Variants in PHACTR1 observed in about 807,000 individuals in gnomAD.
The protein encoded by PHACTR1 is phosphatase and actin regulator 1, also known as RPEL repeat containing 1.
PHACTR1 carries 16 observed loss-of-function variants against 69.2 expected under a neutral mutation model. The observed-to-expected ratio is 0.23, with a 90% CI of 0.16 to 0.35. The LOEUF is 0.35. Ranked by LOEUF, PHACTR1 falls within the 10% of genes least tolerant of loss-of-function variation. PHACTR1 has a pLI of 1.00. For missense variants in PHACTR1, 510 were observed against 734.7 expected, an observed-to-expected ratio of 0.69 and a Z score of 3.54; for synonymous variants, 312 against 284.5, an observed-to-expected ratio of 1.10 and a Z score of -0.97.
At chr6:12,761,194 C>T (rs1033895640) in intron 4 of PHACTR1, among the ~76,000 whole-genome samples, 1 of 152,196 alleles carries the variant, frequency 6.6e-6, no homozygotes, top group African/African-American at 2.4e-5. Context: ...AAGTGCCATA[C>T]AAAGGCAAGA....
intron 5 of PHACTR1, among the ~76,000 whole-genome samples, chr6:13,075,758 C>T (rs533208463): frequency 1.3e-5 from 2 of 152,238 alleles, no homozygotes; most frequent in South Asian, 4.1e-4. Context: ...GTCTTCTAGA[C>T]TCCCAGCCTG....
At chr6:13,004,159 T>C (rs1798497927) in intron 4 of PHACTR1, among the ~76,000 whole-genome samples, 1 of 151,790 alleles carries the variant, frequency 6.6e-6, no homozygotes, top group East Asian at 1.9e-4. Flanking sequence ...CTGGATTGAA[T>C]GGTAGATCTA....
intron 4 of PHACTR1, among the ~76,000 whole-genome samples, chr6:12,891,302 A>G (rs149560388): frequency 5.9e-4 from 90 of 152,246 alleles, no homozygotes; most frequent in Middle Eastern, 6.8e-3. Context: ...TAAAGTGGGT[A>G]ACATGATGTA....
At chr6:12,741,952 T>C (rs1188453827) in intron 3 of PHACTR1, among the ~76,000 whole-genome samples, 1 of 152,214 alleles carries the variant, frequency 6.6e-6, no homozygotes, top group African/African-American at 2.4e-5. Context: ...TTTTATAGTT[T>C]TTCATGCAGA....
chr6:12,808,570 A>G (rs1774623924), intron 4 of PHACTR1, among the ~76,000 whole-genome samples: 1 of 152,246 alleles, frequency 6.6e-6, no homozygotes, highest in Non-Finnish European at 1.5e-5. Context: ...TACAAGGAAG[A>G]TATTGTAAGT....
At chr6:13,081,355 A>G (rs1247594370) in intron 5 of PHACTR1, among the ~76,000 whole-genome samples, 1 of 152,242 alleles carries the variant, frequency 6.6e-6, no homozygotes, top group Non-Finnish European at 1.5e-5. Context: ...AACGAATTTA[A>G]GAGAAACAGG....
intron 4 of PHACTR1, among the ~76,000 whole-genome samples, chr6:12,852,655 G>A (rs756294190): frequency 2.6e-5 from 4 of 152,150 alleles, no homozygotes; most frequent in Non-Finnish European, 5.9e-5. Flanking sequence ...GTGGCCTAAA[G>A]CCTTCCAATA....
At chr6:13,044,870 G>A (rs1169178827) in intron 4 of PHACTR1, among the ~76,000 whole-genome samples, 2 of 152,184 alleles carry the variant, frequency 1.3e-5, no homozygotes, top group African/African-American at 2.4e-5. Flanking sequence ...ATGTCCTACC[G>A]GTTCTTCTTG....
intron 4 of PHACTR1, among the ~76,000 whole-genome samples, chr6:13,000,564 CAA>C (rs1204255093): frequency 1.6e-5 from 2 of 127,632 alleles, no homozygotes; most frequent in Non-Finnish European, 3.1e-5. Flanking sequence ...GAGAGAGAGA[CAA>C]AGAGAGAGTG....
At chr6:12,828,644 T>C (rs1777068082) in intron 4 of PHACTR1, among the ~76,000 whole-genome samples, 1 of 152,216 alleles carries the variant, frequency 6.6e-6, no homozygotes, top group African/African-American at 2.4e-5. Flanking sequence ...GGATGGTTTC[T>C]GTTTCCCTCT....
At chr6:12,961,525 G>A (rs1792726262) in intron 4 of PHACTR1, among the ~76,000 whole-genome samples, 2 of 152,170 alleles carry the variant, frequency 1.3e-5, no homozygotes, top group South Asian at 4.1e-4. Flanking sequence ...ATGATATCCT[G>A]TGTCCAAACT....
intron 4 of PHACTR1, among the ~76,000 whole-genome samples, chr6:12,832,913 A>G (rs1023904534): frequency 2.6e-5 from 4 of 152,178 alleles, no homozygotes; most frequent in African/African-American, 9.6e-5. Context: ...AATCAGTCTT[A>G]GGACACATGA....
intron 5 of PHACTR1, among the ~76,000 whole-genome samples, chr6:13,132,010 A>G (rs757228018): frequency 6.6e-6 from 1 of 152,194 alleles, no homozygotes; most frequent in Non-Finnish European, 1.5e-5. Context: ...AAAACAGTGC[A>G]CTAGACCCCT....
chr6:12,935,292 G>A (rs538541872), intron 4 of PHACTR1, among the ~76,000 whole-genome samples: 1 of 152,160 alleles, frequency 6.6e-6, no homozygotes, highest in East Asian at 1.9e-4. Context: ...CACCCAGGCT[G>A]GAGTGCAGTA....
intron 4 of PHACTR1, among the ~76,000 whole-genome samples, chr6:12,935,743 C>A (rs1449015684): frequency 1.3e-5 from 2 of 152,022 alleles, no homozygotes; most frequent in Non-Finnish European, 2.9e-5. Flanking sequence ...CATGAAGAAC[C>A]TAGGGCCCTT....
At chr6:13,048,285 A>G (rs1040529449) in intron 4 of PHACTR1, among the ~76,000 whole-genome samples, 3 of 152,154 alleles carry the variant, frequency 2.0e-5, no homozygotes, top group African/African-American at 7.2e-5. Flanking sequence ...GGCAGTTGAC[A>G]TTCAAGCTGA....
At chr6:13,153,210 T>C (rs980757879) in intron 5 of PHACTR1, among the ~76,000 whole-genome samples, 1 of 152,192 alleles carries the variant, frequency 6.6e-6, no homozygotes, top group Non-Finnish European at 1.5e-5. Flanking sequence ...TAAAAGTGCA[T>C]GGTGAATACA....
intron 5 of PHACTR1, among the ~76,000 whole-genome samples, chr6:13,075,311 C>T (rs995863840): frequency 3.3e-5 from 5 of 152,148 alleles, no homozygotes; most frequent in South Asian, 4.1e-4. Context: ...CCCAAGGTCG[C>T]GTGGCTCTTA....
chr6:12,888,908 C>T (rs1237152738), intron 4 of PHACTR1, among the ~76,000 whole-genome samples: 2 of 152,172 alleles, frequency 1.3e-5, no homozygotes, highest in Non-Finnish European at 2.9e-5. Flanking sequence ...GAATTTTCTT[C>T]TTTGATGAAA....
Sources: allele counts gnomAD v4.1 joint callset (sites outside exome capture counted in the v4.1 genomes callset), GRCh38; gene constraint gnomAD v4.1.1; transcripts MANE v1.5; gene names NCBI Gene and HGNC (gene_info 2026-07-23, HGNC 2026-07-21).